CT45A1: variants seen among roughly 807,000 people sequenced by gnomAD.
CT45A1 encodes the protein cancer/testis antigen family 45 member A1.
intron 1 of CT45A1, among the ~76,000 whole-genome samples, chrX:135,715,537 T>TTA (rs1208289421): frequency 1.2e-5 from 1 of 86,277 alleles, no homozygotes; most frequent in Non-Finnish European, 2.1e-5. Context: ...TATATAATAC[T>TTA]TATATATAAT....
chrX:135,716,627 C>G (rs782525130), intron 1 of CT45A1, among the ~76,000 whole-genome samples: 13 of 111,357 alleles, frequency 1.2e-4, no homozygotes, highest in African/African-American at 3.6e-4. Flanking sequence ...TTTTTCACCT[C>G]TTAATAGTGT....
chrX:135,708,476 T>C, the CT45A1 span, among the ~76,000 whole-genome samples: 1 of 110,150 alleles, frequency 9.1e-6, no homozygotes, highest in African/African-American at 3.3e-5. Context: ...GTGCTCTGCG[T>C]TGGGTGTGTG....
chrX:135,711,458 G>A (rs2087932861), upstream of CT45A1, among the ~76,000 whole-genome samples: 2 of 110,423 alleles, frequency 1.8e-5, no homozygotes, highest in African/African-American at 6.6e-5. Context: ...ATTTTAAGAC[G>A]GAGTCTCCCT....
intron 1 of CT45A1, among the ~76,000 whole-genome samples, chrX:135,717,822 G>T (rs1307517001): frequency 4.5e-5 from 5 of 111,429 alleles, no homozygotes; most frequent in Non-Finnish European, 1.9e-5. Flanking sequence ...TAACTGTAAT[G>T]ATTTTATTCT....
At chrX:135,708,405 T>G in the CT45A1 span, among the ~76,000 whole-genome samples, 1 of 111,100 alleles carries the variant, frequency 9.0e-6, no homozygotes, top group African/African-American at 3.3e-5. Flanking sequence ...ACTTCAGGAC[T>G]GTGAGTGGGG....
chrX:135,716,741 A>T (rs1435118567), intron 1 of CT45A1, among the ~76,000 whole-genome samples: 1 of 111,538 alleles, frequency 9.0e-6, no homozygotes, highest in Non-Finnish European at 1.9e-5. Flanking sequence ...TGCCTATACT[A>T]TAGTTGTGAA....
At chrX:135,715,571 A>ATATATAATACTTATAGG (rs1556571277) in intron 1 of CT45A1, among the ~76,000 whole-genome samples, 4 of 89,936 alleles carry the variant, frequency 4.4e-5, no homozygotes, top group African/African-American at 1.7e-4. Flanking sequence ...TAATACTTAT[A>ATATATAATACTTATAGG]TATATAATAC....
intron 1 of CT45A1, among the ~76,000 whole-genome samples, chrX:135,716,160 T>C (rs782525922): frequency 9.0e-6 from 1 of 111,709 alleles, no homozygotes; most frequent in Admixed American, 9.6e-5. Flanking sequence ...TGTGTCTTTA[T>C]AGAAGAATGA....
At chrX:135,713,179 A>T (rs1418635715), upstream of CT45A1, among the ~76,000 whole-genome samples, 1 of 99,368 alleles carries the variant, frequency 1.0e-5, no homozygotes, top group African/African-American at 3.7e-5. Context: ...TTGGGACCAC[A>T]GGCGCCCGCC....
upstream of CT45A1, among the ~76,000 whole-genome samples, chrX:135,711,151 A>G (rs1187913015): frequency 3.6e-5 from 4 of 111,901 alleles, no homozygotes; most frequent in African/African-American, 9.8e-5. Flanking sequence ...TGGTTATTCA[A>G]TCAAATACTC....
intron 1 of CT45A1, among the ~76,000 whole-genome samples, chrX:135,716,822 A>G (rs1556571709): frequency 9.2e-6 from 1 of 108,389 alleles, no homozygotes; most frequent in East Asian, 2.9e-4. Flanking sequence ...GGAAGAAGTA[A>G]GAGTCAAGGT....
chrX:135,715,219 A>ATATATATAATACT (rs2087969116), intron 1 of CT45A1, among the ~76,000 whole-genome samples: 1 of 66,305 alleles, frequency 1.5e-5, no homozygotes, highest in Admixed American at 1.9e-4. Flanking sequence ...TATAATACTT[A>ATATATATAATACT]TATATATATA....
chrX:135,709,081 T>C (rs1385811958), upstream of CT45A1, among the ~76,000 whole-genome samples: 2 of 111,997 alleles, frequency 1.8e-5, no homozygotes, highest in African/African-American at 3.3e-5. Flanking sequence ...TTCACCTAAT[T>C]AATATTATAT....
intron 1 of CT45A1, among the ~76,000 whole-genome samples, chrX:135,718,414 T>C (rs1430493301): frequency 9.0e-6 from 1 of 110,881 alleles, no homozygotes; most frequent in Admixed American, 9.7e-5. Context: ...TTGTTATCAG[T>C]TTTGTATCAA....
At chrX:135,717,373 AC>A (rs2087995617) in intron 1 of CT45A1, among the ~76,000 whole-genome samples, 1 of 111,100 alleles carries the variant, frequency 9.0e-6, no homozygotes, top group Non-Finnish European at 1.9e-5. Context: ...ACATAGTGAA[AC>A]CCCGTCTCTA....
At chrX:135,711,528 A>G (rs1181800959), upstream of CT45A1, among the ~76,000 whole-genome samples, 1 of 111,098 alleles carries the variant, frequency 9.0e-6, no homozygotes, top group African/African-American at 3.3e-5. Context: ...TGTGCCTCCC[A>G]GGTTCAAGTG....
At chrX:135,712,210 G>C (rs1426052267), upstream of CT45A1, among the ~76,000 whole-genome samples, 1 of 43,217 alleles carries the variant, frequency 2.3e-5, no homozygotes, top group East Asian at 8.8e-4. Flanking sequence ...TTTTTAGACA[G>C]TCTCACTTTG....
chrX:135,717,528 G>A (rs1556572036), intron 1 of CT45A1, among the ~76,000 whole-genome samples: 1 of 106,209 alleles, frequency 9.4e-6, no homozygotes, highest in East Asian at 2.9e-4. Context: ...CAGCCTGGGC[G>A]ACAGAGGGAG....
chrX:135,714,576 A>G (rs1398955086), intron 1 of CT45A1, among the ~76,000 whole-genome samples: 7 of 110,387 alleles, frequency 6.3e-5, no homozygotes, highest in African/African-American at 2.0e-4. Flanking sequence ...GTGGGAATGG[A>G]AGTCCAGAAA....
Sources: gnomAD v4.1 joint callset for allele counts (sites outside exome capture counted in the v4.1 genomes callset) on GRCh38, gnomAD v4.1.1 for gene constraint, MANE v1.5 for transcripts, NCBI Gene and HGNC (gene_info 2026-07-23, HGNC 2026-07-21) for gene names.